The following ECHDC2 variants were observed in gnomAD, a reference collection of about 807,000 sequenced individuals.
ECHDC2 encodes enoyl-CoA hydratase domain containing 2.
ECHDC2 carries 34 observed loss-of-function variants against 40.6 expected under a neutral mutation model. The observed-to-expected ratio is 0.84, with a 90% CI of 0.64 to 1.11. ECHDC2 has a LOEUF of 1.11. ECHDC2 is among the 50% of genes most tolerant of loss of function. The pLI, the probability that ECHDC2 is intolerant of heterozygous loss-of-function variation, is 0.00. For synonymous variants in ECHDC2, 162 were observed against 166.6 expected, an observed-to-expected ratio of 0.97 and a Z score of 0.21; for missense variants, 392 against 400.7, an observed-to-expected ratio of 0.98 and a Z score of 0.19.
In ECHDC2 at chr1:52,905,025, T is replaced by C. The variant is rs750306838; in HGVS notation, c.514+9A>G. ...GGTGGAATTGGGCGGGTGCTGTAGT[T>C]GCGATTACCTGCCCCCGGGAGGAGC... is the stretch of plus-strand genomic sequence containing the variant. On this transcript the variant is annotated intron_variant, in intron 6 of 9. Transcript: ENST00000371522. 1 of 1,614,172 alleles carries C rather than the reference T, an allele frequency of 6.2e-7. No individual in the cohort carries two copies. The highest frequency in any genetic ancestry group is 8.5e-7 in the Non-Finnish European group (1 of 1,180,020).
Position 52,906,626 on chromosome 1 carries a change from A to T in ECHDC2, c.365-15T>A. 6.3e-7 allele frequency: 1 copy of T among 1,597,232 alleles called. No homozygotes were observed. Among genetic ancestry groups the T allele is most frequent in the Non-Finnish European group, 8.5e-7 (1 of 1,170,678 alleles). On this transcript the variant is annotated splice_polypyrimidine_tract_variant and intron_variant, in intron 4 of 9. Coordinates refer to ENST00000371522, the MANE Select transcript of ECHDC2 (RefSeq NM_001198961.2). ...AGGGAAGGCTGCTGTGGAGAGGAAG[A>T]AAGGCTCAGCCTGCAAAGCCCTGGT...
At chr1:52,911,205 G>T (rs1245373955) in intron 3 of ECHDC2, among the ~76,000 whole-genome samples, 1 of 151,934 alleles carries the variant, frequency 6.6e-6, no homozygotes, top group Admixed American at 6.6e-5. Context: ...CTCGAACTCG[G>T]GCCTCAAGTG....
At chr1:52,920,291 A>G (rs1651585352) in intron 1 of ECHDC2, 3 of 587,618 alleles carry the variant, frequency 5.1e-6, no homozygotes, top group South Asian at 3.9e-5. Flanking sequence ...ACTTGGGAAC[A>G]GTGGGCAACA....
chr1:52,913,853 T>G, intron 1 of ECHDC2: 1 of 956,382 alleles, frequency 1.0e-6, no homozygotes, highest in Middle Eastern at 4.7e-4. Flanking sequence ...ATGACACGTA[T>G]CTGCCTTGGC....
intron 5 of ECHDC2, chr1:52,905,410 G>A: frequency 2.5e-6 from 1 of 403,254 alleles, no homozygotes; most frequent in South Asian, 4.0e-5. Flanking sequence ...ATCACACGAG[G>A]TACGACGCTT....
At position 52,897,578 on chromosome 1, in the gene ECHDC2, A is replaced by G. The variant is rs1646717785; in HGVS notation, c.754-94T>C. ...CACCCTATTGCCTACAGACATCTAT[A>G]TGAGCAGAGATAGCTATGAGAAGGA... On this transcript the variant is annotated intron_variant, in intron 8 of 9. Transcript: ENST00000371522. The G allele has an allele frequency of 7.8e-6, 9 of 1,153,966 alleles. 1 individual carries two copies. The South Asian group carries it at 1.1e-4, about 14-fold the overall frequency. The allele number at this position is 1,153,966 out of a possible 1,614,324, so 71.5% of individuals were successfully genotyped here. A position where few individuals can be genotyped will look rare whatever the true frequency, so the allele number is the denominator to read the frequency against.
chr1:52,915,924 T>C (rs1033724146), intron 1 of ECHDC2, among the ~76,000 whole-genome samples: 2 of 152,194 alleles, frequency 1.3e-5, no homozygotes, highest in Non-Finnish European at 2.9e-5. Context: ...AGCAAAGGAC[T>C]GCGGGCAACC....
chr1:52,896,585 G>A lies in ECHDC2; in HGVS notation c.814C>T (p.Arg272Trp), dbSNP rs547269897. The change falls in exon 10 of 10, where the codon CGG becomes TGG. Residue 272 changes from arginine to tryptophan, a missense_variant. By Grantham distance (101) the Arg-to-Trp change is moderately radical. Coordinates refer to ENST00000371522, the MANE Select transcript of ECHDC2 (RefSeq NM_001198961.2). The part of the protein sequence containing the change: ...GMCYAQNIPT[R>W]DRLEGMAAFR... ...GCTGCCATGCCCTCTAGCCGGTCCC[G>A]GGTTGGAATATTCTGCAACAAGGTA... 3.3e-5 allele frequency: 53 copies of A among 1,613,978 alleles called. No homozygotes were observed. The highest frequency in any genetic ancestry group is 2.8e-4 in the Admixed American group (17 of 60,012).
chr1:52,896,374 G>A lies in ECHDC2; in HGVS notation c.*146C>T, dbSNP rs1005086785. ...TCAGCACCTTGGTTCCAGGCATCAC[G>A]CCAGTCATTTTATTTCCATCATCAT... On this transcript the variant is annotated 3_prime_UTR_variant, in exon 10 of 10. Coordinates refer to ENST00000371522, the MANE Select transcript of ECHDC2 (RefSeq NM_001198961.2). 1.4e-5 allele frequency: 10 copies of A among 709,926 alleles called. No homozygotes were observed. Among genetic ancestry groups the A allele is most frequent in the South Asian group, 3.3e-5 (2 of 60,606 alleles). The allele number at this position is 709,926 out of a possible 1,614,324, so 44.0% of individuals were successfully genotyped here.
Position 52,914,700 on chromosome 1 carries a change from C to T in ECHDC2, c.122-2910G>A, listed in dbSNP as rs987631015. Among the ~76,000 whole-genome samples, 4 of 152,152 alleles carry T rather than the reference C, an allele frequency of 2.6e-5. No individual in the cohort carries two copies. Among genetic ancestry groups the T allele is most frequent in the African/African-American group, 7.2e-5 (3 of 41,426 alleles). On this transcript the variant is annotated intron_variant, in intron 1 of 9. Coordinates refer to ENST00000371522, the MANE Select transcript of ECHDC2 (RefSeq NM_001198961.2). The surrounding 1 kb of genome is among the most constrained non-coding windows in gnomAD (Gnocchi z 4.0). Reference sequence around the variant, plus strand: ...GATGAGCCAATGACCTTGCTATCAACTCAGAAGTTGATCCTGTCACCTCGC... The same window carrying T: ...GATGAGCCAATGACCTTGCTATCAATTCAGAAGTTGATCCTGTCACCTCGC...
At position 52,897,329 on chromosome 1, in the gene ECHDC2, CTGTT is replaced by C. The variant is rs1416837102; in HGVS notation, c.801+104_801+107del. On this transcript the variant is annotated intron_variant, in intron 9 of 9. Transcript: ENST00000371522. Reference sequence around the variant, plus strand: ...ATGAGGGACGATGGATGCGGTCAGACTGTTTGTGTTGAGAAGAACCTTCTAAAAT... The same window carrying C: ...ATGAGGGACGATGGATGCGGTCAGACTGTGTTGAGAAGAACCTTCTAAAAT... The C allele has an allele frequency of 9.8e-6, 11 of 1,121,098 alleles. 1 individual carries two copies. The highest frequency in any genetic ancestry group is 9.4e-5 in the East Asian group (4 of 42,564). The allele number at this position is 1,121,098 out of a possible 1,614,324, so 69.4% of individuals were successfully genotyped here. A position where few individuals can be genotyped will look rare whatever the true frequency, so the allele number is the denominator to read the frequency against.
chr1:52,899,234 A>T lies in ECHDC2; in HGVS notation c.703-10T>A. On this transcript the variant is annotated splice_polypyrimidine_tract_variant and intron_variant, in intron 7 of 9. Coordinates refer to ENST00000371522, the MANE Select transcript of ECHDC2 (RefSeq NM_001198961.2). ...GCACGGCAATGGGGGCCTAGGGAAA[A>T]GCAAAAAGTCTTGGTTGAGGAGGGC... 1 of 1,611,104 alleles carries T rather than the reference A, an allele frequency of 6.2e-7. No homozygotes were observed. The highest frequency in any genetic ancestry group is 8.5e-7 in the Non-Finnish European group (1 of 1,179,912).
chr1:52,897,512 G>C (rs1646712419), intron 8 of ECHDC2, 28 bp from the exon 9 acceptor site: 4 of 1,613,710 alleles, frequency 2.5e-6, no homozygotes, highest in Admixed American at 1.7e-5. Flanking sequence ...TCCCTGGATT[G>C]GTCTGACCTT....
rs200045876 is a variant in ECHDC2, at chr1:52,907,936, C to T, written c.296G>A (p.Arg99Gln). 8.1e-6 allele frequency: 13 copies of T among 1,614,132 alleles called. No individual in the cohort carries two copies. The highest frequency in any genetic ancestry group is 2.7e-5 in the African/African-American group (2 of 75,024). The change falls in exon 4 of 10, where the codon CGG (arginine) becomes CAG (glutamine). Residue 99 changes from arginine (R) to glutamine (Q), a missense_variant. Arg to Gln is a conservative substitution (Grantham distance 43). Transcript: ENST00000371522. ...VFCAGADLKE[R>Q]EQMSEAEVGV... ...CACCTCTGCTTCACTCATCTGTTCC[C>T]GCTCCTTCAGGTCTGCACCTGCAGA... is the stretch of plus-strand genomic sequence containing the variant.
At chr1:52,904,619 C>A (rs1265899895) in intron 7 of ECHDC2, 27 bp downstream of exon 7, 10 of 1,544,730 alleles carry the variant, frequency 6.5e-6, no homozygotes, top group Non-Finnish European at 7.0e-6. Flanking sequence ...CTCCAGCCCT[C>A]CTTCTGGTGC....
intron 7 of ECHDC2, among the ~76,000 whole-genome samples, chr1:52,902,580 A>T (rs1472006233): frequency 6.6e-6 from 1 of 152,242 alleles, no homozygotes; most frequent in African/African-American, 2.4e-5. Context: ...GTGAGCCACC[A>T]TGCTAAGCCA....
At position 52,904,681 on chromosome 1, in the gene ECHDC2, G is replaced by T. The variant is rs748136879; in HGVS notation, c.667C>A (p.Arg223=). The change falls in exon 7 of 10, where the codon CGG becomes AGG. Residue 223 remains arginine, a synonymous_variant. Coordinates refer to ENST00000371522, the MANE Select transcript of ECHDC2 (RefSeq NM_001198961.2). ...QNEEGDAAYQ[R]ARALAQEILP... ...ATCTCCTGGGCCAGTGCTCGTGCCC[G>T]CTGGTAGGCGGCGTCCCCCTCCTCG... The T allele has an allele frequency of 1.2e-6, 2 of 1,609,574 alleles. No homozygotes were observed. The highest frequency in any genetic ancestry group is 1.7e-6 in the Non-Finnish European group (2 of 1,178,422).
At chr1:52,920,141 G>T (rs559307150) in intron 1 of ECHDC2, among the ~76,000 whole-genome samples, 1 of 152,290 alleles carries the variant, frequency 6.6e-6, no homozygotes, top group South Asian at 2.1e-4. Flanking sequence ...CTTAAGAGCT[G>T]TTGCCAGTTG....
At chr1:52,910,972 T>C (rs536951710) in intron 3 of ECHDC2, among the ~76,000 whole-genome samples, 1 of 152,268 alleles carries the variant, frequency 6.6e-6, no homozygotes, top group African/African-American at 2.4e-5. Flanking sequence ...GTTCCAGCCC[T>C]TCTGTGAGAG....
Sources: allele counts gnomAD v4.1 joint callset (sites outside exome capture counted in the v4.1 genomes callset), GRCh38; gene constraint gnomAD v4.1.1; non-coding constraint Gnocchi (gnomAD v3.1); transcripts MANE v1.5; gene names NCBI Gene and HGNC (gene_info 2026-07-23, HGNC 2026-07-21).